The following FGFR2 variants were observed in gnomAD, a reference collection of about 807,000 sequenced individuals.
FGFR2 encodes fibroblast growth factor receptor 2.
FGFR2 carries 19 observed loss-of-function variants against 95.9 expected under a neutral mutation model. That is an observed-to-expected ratio of 0.20 (90% confidence interval 0.14 to 0.29). FGFR2 has a LOEUF of 0.29. FGFR2 is among the 10% of genes least tolerant of loss of function. The probability of loss-of-function intolerance (pLI) is 1.00; values close to 1 mark genes in which losing one functional copy is unlikely to be tolerated. For missense variants in FGFR2, 707 were observed against 1,056.9 expected, an observed-to-expected ratio of 0.67 and a Z score of 4.59; for synonymous variants, 392 against 393.3, an observed-to-expected ratio of 1.00 and a Z score of 0.04.
At chr10:121,534,305 G>A (rs1056096915) in intron 6 of FGFR2, among the ~76,000 whole-genome samples, 1 of 151,786 alleles carries the variant, frequency 6.6e-6, no homozygotes, top group African/African-American at 2.4e-5. Context: ...CACCATGTTG[G>A]TCAGGCTGGT....
At chr10:121,493,031 C>T (rs1258634990) in intron 13 of FGFR2, among the ~76,000 whole-genome samples, 3 of 152,216 alleles carry the variant, frequency 2.0e-5, no homozygotes, top group Admixed American at 6.5e-5. Context: ...CCTACAAGTC[C>T]GCTTCTCAGA....
Position 121,488,025 on chromosome 10 carries a change from ATAT to A in FGFR2, c.1949_1951del (p.Asp650_Ile651delinsVal). 6.2e-7 allele frequency: 1 copy of A among 1,614,110 alleles called. No individual in the cohort carries two copies. Among genetic ancestry groups the A allele is most frequent in the South Asian group, 1.1e-5 (1 of 91,088 alleles). On this transcript the variant is annotated inframe_deletion, in exon 14 of 18. Transcript: ENST00000358487. ...CTTTTTGTAATAGTCTATATTGTTG[ATAT>A]CTCTGGCGAGTCCAAAGTCTGCTAT...
At position 121,479,134 on chromosome 10, in the gene FGFR2, A is replaced by G; in HGVS notation, c.*723T>C. 4.3e-6 allele frequency: 1 copy of G among 232,862 alleles called. No individual in the cohort carries two copies. Among genetic ancestry groups the G allele is most frequent in the Non-Finnish European group, 8.5e-6 (1 of 117,574 alleles). 14.4% of individuals were successfully genotyped at this position (232,862 alleles called of 1,614,324 possible). ...TTTCAAAGGATCTGATAACTAGTTA[A>G]GTCCAAGCAATAGATTAACTAGTCT... On this transcript the variant is annotated 3_prime_UTR_variant, in exon 18 of 18. Coordinates refer to ENST00000358487, the MANE Select transcript of FGFR2 (RefSeq NM_000141.5).
At chr10:121,564,605 G>A (rs1470276547) in intron 3 of FGFR2, 26 bp from the exon 4 acceptor site, 7 of 1,607,176 alleles carry the variant, frequency 4.4e-6, no homozygotes, top group Non-Finnish European at 6.0e-6. Context: ...CATATTCCAT[G>A]GATGTGTTTT....
At chr10:121,483,455 C>A (rs889907428) in intron 17 of FGFR2, among the ~76,000 whole-genome samples, 1 of 152,214 alleles carries the variant, frequency 6.6e-6, no homozygotes, top group African/African-American at 2.4e-5. Flanking sequence ...AGCAGCTACA[C>A]TGAAGGCAGC....
At chr10:121,562,095 T>C (rs982722987) in intron 4 of FGFR2, among the ~76,000 whole-genome samples, 1 of 152,214 alleles carries the variant, frequency 6.6e-6, no homozygotes. Context: ...TACAAAATGG[T>C]GCAGCCACTT....
chr10:121,568,285 T>C (rs1180947740), intron 2 of FGFR2, among the ~76,000 whole-genome samples: 2 of 152,314 alleles, frequency 1.3e-5, no homozygotes, highest in South Asian at 2.1e-4. Context: ...AAGGACCAGA[T>C]GTCCTTTGAG....
chr10:121,500,115 A>G (rs1847405635), intron 11 of FGFR2, among the ~76,000 whole-genome samples: 2 of 152,204 alleles, frequency 1.3e-5, no homozygotes, highest in Admixed American at 1.3e-4. Context: ...ACAGTTCCCT[A>G]TAACTCTTCT....
chr10:121,501,040 C>T (rs1440931635), intron 10 of FGFR2, 93 bp from the exon 11 acceptor site: 10 of 1,569,076 alleles, frequency 6.4e-6, no homozygotes, highest in African/African-American at 4.0e-5. Context: ...CTTTCAGCGG[C>T]TTACTAAAGC....
intron 4 of FGFR2, among the ~76,000 whole-genome samples, chr10:121,553,422 A>G (rs577739634): frequency 1.3e-5 from 2 of 152,290 alleles, no homozygotes; most frequent in South Asian, 2.1e-4. Context: ...CAAGACTCTC[A>G]GGGCCTGGCA....
intron 2 of FGFR2, among the ~76,000 whole-genome samples, chr10:121,580,780 T>C (rs1420844966): frequency 6.6e-6 from 1 of 152,206 alleles, no homozygotes; most frequent in East Asian, 1.9e-4. Context: ...AGTTAACCTT[T>C]CTTCCCTGCT....
At chr10:121,558,158 G>A (rs570331992) in intron 4 of FGFR2, among the ~76,000 whole-genome samples, 1 of 152,118 alleles carries the variant, frequency 6.6e-6, no homozygotes, top group Non-Finnish European at 1.5e-5. Flanking sequence ...AAAATCCCTC[G>A]AACAAATGGG....
intron 5 of FGFR2, among the ~76,000 whole-genome samples, chr10:121,543,209 C>T (rs978300768): frequency 1.3e-5 from 2 of 152,062 alleles, no homozygotes; most frequent in Admixed American, 6.5e-5. Flanking sequence ...GGTGAGTTGC[C>T]ATTAAAATGC....
At chr10:121,504,437 A>G (rs970282294) in intron 9 of FGFR2, among the ~76,000 whole-genome samples, 3 of 152,216 alleles carry the variant, frequency 2.0e-5, no homozygotes, top group Admixed American at 6.5e-5. Flanking sequence ...GTAAAGTGGA[A>G]TATCTCAAGG....
chr10:121,560,425 T>A (rs1466275990), intron 4 of FGFR2, among the ~76,000 whole-genome samples: 1 of 151,868 alleles, frequency 6.6e-6, no homozygotes, highest in African/African-American at 2.4e-5. Context: ...CCATTCTGGC[T>A]AACATGGTGG....
intron 17 of FGFR2, among the ~76,000 whole-genome samples, chr10:121,482,860 GCAATCTCAGTCA>G (rs1468356781): frequency 6.6e-6 from 1 of 152,116 alleles, no homozygotes; most frequent in African/African-American, 2.4e-5. Flanking sequence ...GTGCAGTGGC[GCAATCTCAGTCA>G]CTGCAAACTT....
Position 121,538,628 on chromosome 10 carries a change from C to T in FGFR2, c.712G>A (p.Gly238Arg), listed in dbSNP as rs2134603390. 1.2e-6 allele frequency: 2 copies of T among 1,614,104 alleles called. No homozygotes were observed. The highest frequency in any genetic ancestry group is 1.7e-6 in the Non-Finnish European group (2 of 1,180,014). Residue 238 changes from glycine (G) to arginine (R), a missense_variant, in exon 6 of 18, where the codon GGG becomes AGG. Around this residue, in one of 7 missense-constraint regions of FGFR2, gnomAD observed 139 missense variants for 278.1 expected, o/e 0.50. Transcript: ENST00000358487. ...NYTCVVENEY[G>R]SINHTYHLDV... is the part of the protein sequence containing the mutation. ...AGGTGGTACGTGTGATTGATGGACC[C>T]GTATTCATTCTCCACTACACAGGTA...
intron 4 of FGFR2, among the ~76,000 whole-genome samples, chr10:121,551,904 C>T (rs143682370): frequency 1.1e-3 from 171 of 152,208 alleles, no homozygotes; most frequent in African/African-American, 3.8e-3. Flanking sequence ...GCCCTATCAA[C>T]TTATCCATTG....
At chr10:121,545,720 C>A (rs568819793) in intron 5 of FGFR2, among the ~76,000 whole-genome samples, 1 of 152,302 alleles carries the variant, frequency 6.6e-6, no homozygotes, top group South Asian at 2.1e-4. Flanking sequence ...ATCAAAAAGT[C>A]TTTAAAATGA....
Sources: allele counts gnomAD v4.1 joint callset (sites outside exome capture counted in the v4.1 genomes callset), GRCh38; gene constraint gnomAD v4.1.1; regional missense constraint gnomAD v4.1.1; transcripts MANE v1.5; gene names NCBI Gene and HGNC (gene_info 2026-07-23, HGNC 2026-07-21).